Variants in IQGAP1 observed in about 807,000 individuals in gnomAD.
IQGAP1 encodes the protein IQ motif containing GTPase activating protein 1.
IQGAP1 carries 66 observed loss-of-function variants against 215.6 expected under a neutral mutation model. The observed-to-expected ratio is 0.31, with a 90% CI of 0.25 to 0.38. IQGAP1 has a LOEUF of 0.38. Ranked by LOEUF, IQGAP1 falls within the 10% of genes least tolerant of loss-of-function variation. IQGAP1 has a pLI of 1.00. For synonymous variants in IQGAP1, 772 were observed against 728.7 expected, an observed-to-expected ratio of 1.06 and a Z score of -0.96; for missense variants, 1,712 against 1,997.1, an observed-to-expected ratio of 0.86 and a Z score of 2.72.
At chr15:90,483,026 A>G (rs1183049006) in intron 28 of IQGAP1, among the ~76,000 whole-genome samples, 1 of 152,214 alleles carries the variant, frequency 6.6e-6, no homozygotes, top group Non-Finnish European at 1.5e-5. Context: ...CTTATTTGCT[A>G]CCATGATATG....
At chr15:90,447,222 C>A (rs537067311) in intron 9 of IQGAP1, among the ~76,000 whole-genome samples, 1 of 152,282 alleles carries the variant, frequency 6.6e-6, no homozygotes, top group South Asian at 2.1e-4. Context: ...GAAGCCACCA[C>A]CTTGGTATGG....
At chr15:90,398,921 A>G (rs959582241) in intron 2 of IQGAP1, among the ~76,000 whole-genome samples, 2 of 149,688 alleles carry the variant, frequency 1.3e-5, no homozygotes, top group African/African-American at 5.0e-5. Context: ...CACAAGAATC[A>G]CTGGAACTGG....
At chr15:90,418,625 T>G (rs1039027547) in intron 2 of IQGAP1, among the ~76,000 whole-genome samples, 3 of 152,288 alleles carry the variant, frequency 2.0e-5, no homozygotes, top group African/African-American at 7.2e-5. Flanking sequence ...AAAGATAGCC[T>G]TTTGTATAAG....
At chr15:90,421,753 A>G (rs1271205242) in intron 2 of IQGAP1, among the ~76,000 whole-genome samples, 1 of 152,078 alleles carries the variant, frequency 6.6e-6, no homozygotes, top group African/African-American at 2.4e-5. Context: ...GAGTGCAGTG[A>G]TGCAATCTCA....
chr15:90,429,908 C>A, intron 4 of IQGAP1: 1 of 303,034 alleles, frequency 3.3e-6, no homozygotes, highest in Non-Finnish European at 6.0e-6. Context: ...TTTACTACAT[C>A]AAATTGTAGA....
intron 15 of IQGAP1, among the ~76,000 whole-genome samples, chr15:90,462,711 CTG>C (rs1432324897): frequency 6.6e-6 from 1 of 152,102 alleles, no homozygotes; most frequent in Non-Finnish European, 1.5e-5. Flanking sequence ...CCCCCTTTTC[CTG>C]TGTTTGTGGC....
chr15:90,483,354 G>T lies in IQGAP1; in HGVS notation c.3556-7G>T, dbSNP rs1336090541. 1 of 1,603,552 alleles carries T rather than the reference G, an allele frequency of 6.2e-7. No homozygotes were observed. Among genetic ancestry groups the T allele is most frequent in the Non-Finnish European group, 8.5e-7 (1 of 1,170,592 alleles). Reference sequence around the variant, plus strand: ...TAATACCCATCTTTCTGTTTCGTCTGTTCCAGATTATTGGTAACTTGCTTT... The same window carrying T: ...TAATACCCATCTTTCTGTTTCGTCTTTTCCAGATTATTGGTAACTTGCTTT... On this transcript the variant is annotated splice_polypyrimidine_tract_variant and splice_region_variant and intron_variant, in intron 28 of 37. Transcript: ENST00000268182.
chr15:90,474,363 T>A, intron 22 of IQGAP1, 122 bp from the exon 23 acceptor site: 1 of 864,056 alleles, frequency 1.2e-6, no homozygotes, highest in Non-Finnish European at 1.9e-6. Context: ...CACCTGATAG[T>A]TGTCTTAGCA....
At chr15:90,393,578 C>T (rs1964668683) in intron 2 of IQGAP1, 1 of 152,100 alleles carries the variant, frequency 6.6e-6, no homozygotes, top group Non-Finnish European at 1.5e-5. Context: ...TTCCTTGGCC[C>T]CCACTCCTCC....
At chr15:90,484,987 A>C (rs1182309184) in intron 30 of IQGAP1, among the ~76,000 whole-genome samples, 1 of 152,054 alleles carries the variant, frequency 6.6e-6, no homozygotes, top group Non-Finnish European at 1.5e-5. Context: ...TAGTGCTTTT[A>C]CTCTTCTTTC....
chr15:90,477,776 G>T lies in IQGAP1; in HGVS notation c.3216G>T (p.Leu1072Phe). The T allele has an allele frequency of 1.2e-6, 2 of 1,613,776 alleles. No individual in the cohort carries two copies. The highest frequency in any genetic ancestry group is 1.7e-6 in the Non-Finnish European group (2 of 1,179,792). ...GCCAGAATGCCCTGAGACAGATCTT[G>T]GCCCCAGTCGTGAAGGAAATTATGG... ...ARGQNALRQI[L>F]APVVKEIMDD... Residue 1072 changes from leucine to phenylalanine, a missense_variant, in exon 26 of 38, where the codon TTG becomes TTT. Physicochemically the swap from Leu to Phe is conservative, Grantham distance 22 (BLOSUM62 0). Transcript: ENST00000268182.
intron 5 of IQGAP1, among the ~76,000 whole-genome samples, chr15:90,436,063 C>CTTT (rs61513362): frequency 7.3e-6 from 1 of 137,226 alleles, no homozygotes; most frequent in African/African-American, 2.7e-5. Context: ...CCCTGCTTGC[C>CTTT]TTTTTTTTTT....
In IQGAP1 at chr15:90,454,548, T is replaced by A; in HGVS notation, c.1608T>A (p.His536Gln). Residue 536 changes from histidine to glutamine, a missense_variant, in exon 14 of 38, where the codon CAT becomes CAA. Transcript: ENST00000268182. Reference sequence around the variant, plus strand: ...TGAACCTGGTGGTGCAAGAGGAACATGAGAGTGAGTTATCTTCCTGTCCTC... The same window carrying A: ...TGAACCTGGTGGTGCAAGAGGAACAAGAGAGTGAGTTATCTTCCTGTCCTC... ...DHVNLVVQEE[H>Q]ERILAIGLIN... 2 of 1,565,636 alleles carry A rather than the reference T, an allele frequency of 1.3e-6. No homozygotes were observed. The highest frequency in any genetic ancestry group is 1.7e-6 in the Non-Finnish European group (2 of 1,158,070).
At chr15:90,441,787 A>G in intron 8 of IQGAP1, 103 bp downstream of exon 8, 1 of 786,498 alleles carries the variant, frequency 1.3e-6, no homozygotes. Context: ...GTTTACATAC[A>G]ACAAAATTCA....
rs753203091 is a variant in IQGAP1 at position 90,494,700 on chromosome 15, G to A, written c.4629-13G>A. ...GGTTACTTATAGAAAGTGACATGATGTGATTTTTACAGAGTCTCCAAAAAG... is the reference window on the plus strand; with the variant it reads ...GGTTACTTATAGAAAGTGACATGATATGATTTTTACAGAGTCTCCAAAAAG... On this transcript the variant is annotated splice_polypyrimidine_tract_variant and intron_variant, in intron 35 of 37. Transcript: ENST00000268182. 11 of 1,595,370 alleles carry A rather than the reference G, an allele frequency of 6.9e-6. No homozygotes were observed. Among genetic ancestry groups the A allele is most frequent in the East Asian group, 2.3e-5 (1 of 44,392 alleles).
At chr15:90,475,306 A>G (rs1332809250) in intron 23 of IQGAP1, among the ~76,000 whole-genome samples, 2 of 151,742 alleles carry the variant, frequency 1.3e-5, no homozygotes, top group African/African-American at 2.4e-5. Flanking sequence ...GCTTTTTTGC[A>G]TTTTTAGTAG....
chr15:90,440,243 A>T (rs558976217), intron 6 of IQGAP1, among the ~76,000 whole-genome samples: 39 of 152,346 alleles, frequency 2.6e-4, no homozygotes, highest in Admixed American at 7.2e-4. Context: ...ATAAGTAGCA[A>T]TTTTGAAAAA....
intron 9 of IQGAP1, among the ~76,000 whole-genome samples, chr15:90,444,279 G>GTGTATA (rs773341335): frequency 4.1e-5 from 3 of 72,976 alleles, no homozygotes; most frequent in African/African-American, 2.2e-4. Context: ...GTGTGTGTGT[G>GTGTATA]TATATATATA....
chr15:90,435,022 G>A (rs1567125282), intron 5 of IQGAP1, among the ~76,000 whole-genome samples: 1 of 152,094 alleles, frequency 6.6e-6, no homozygotes, highest in Non-Finnish European at 1.5e-5. Flanking sequence ...CATTGGAGTA[G>A]GTATATAATA....
Sources: allele counts gnomAD v4.1 joint callset (sites outside exome capture counted in the v4.1 genomes callset), GRCh38; gene constraint gnomAD v4.1.1; transcripts MANE v1.5; gene names NCBI Gene and HGNC (gene_info 2026-07-23, HGNC 2026-07-21).